STXBP5: variants seen among roughly 807,000 people sequenced by gnomAD.
The protein encoded by STXBP5 is syntaxin binding protein 5, also known as syntaxin-binding protein 5.
Under a neutral mutation model 152.4 loss-of-function variants are expected in STXBP5, and 50 were observed. That is an observed-to-expected ratio of 0.33 (90% confidence interval 0.26 to 0.42). The LOEUF (loss-of-function observed/expected upper bound fraction) is 0.42. STXBP5 is among the 10% of genes least tolerant of loss of function. STXBP5 has a pLI of 1.00. For synonymous variants in STXBP5, 492 were observed against 494.7 expected (o/e 0.99, Z 0.07); for missense variants, 1,167 against 1,388.6 (o/e 0.84, Z 2.54).
At chr6:147,219,624 T>G (rs1777355166) in intron 2 of STXBP5, among the ~76,000 whole-genome samples, 1 of 152,136 alleles carries the variant, frequency 6.6e-6, no homozygotes, top group Admixed American at 6.5e-5. Context: ...ATTGTATTTT[T>G]TAAGGAGTTG....
chr6:147,368,697 C>G (rs1045976049), intron 25 of STXBP5, among the ~76,000 whole-genome samples: 46 of 152,054 alleles, frequency 3.0e-4, no homozygotes, highest in African/African-American at 7.7e-4. Flanking sequence ...TATAGGAAAT[C>G]TAATAAAATC....
intron 4 of STXBP5, among the ~76,000 whole-genome samples, chr6:147,241,850 A>G (rs1474086629): frequency 6.6e-6 from 1 of 152,230 alleles, no homozygotes; most frequent in African/African-American, 2.4e-5. Context: ...CAGTTGTCTA[A>G]AAGTATAGCA....
Position 147,313,907 on chromosome 6 carries a change from A to G in STXBP5, c.1169A>G (p.Tyr390Cys), listed in dbSNP as rs1490062591. ...QNGYPIFENP[Y>C]PLSIHESPVT... ...AGATATCCTATATTTGAAAATCCCT[A>G]CCCTTTGAGTATACATGAGTCCCCT... is the stretch of plus-strand genomic sequence containing the variant. Residue 390 changes from tyrosine to cysteine, a missense_variant, in exon 12 of 28, where the codon TAC becomes TGC. Tyr to Cys is a radical substitution (Grantham distance 194, BLOSUM62 -2). Transcript: ENST00000321680. 3 of 1,566,006 alleles carry G rather than the reference A, an allele frequency of 1.9e-6. No homozygotes were observed. The highest frequency in any genetic ancestry group is 2.6e-6 in the Non-Finnish European group (3 of 1,147,966).
intron 12 of STXBP5, 29 bp from the exon 13 acceptor site, chr6:147,314,235 T>C (rs1233604058): frequency 1.3e-6 from 2 of 1,574,462 alleles, no homozygotes; most frequent in East Asian, 4.5e-5. Flanking sequence ...TGCTTGCAAG[T>C]TGCTTTATAC....
rs147585794 is a variant in STXBP5 at position 147,359,269 on chromosome 6, C to T, written c.2491C>T (p.Leu831Phe). ...LGTVLVIALN[L>F]PPGGEQRLLQ... is the part of the protein sequence containing the mutation. Reference sequence around the variant, plus strand: ...AACAGTGCTTGTCATTGCACTGAACCTTCCCCCAGGGGGAGAGCAAAGACT... The same window carrying T: ...AACAGTGCTTGTCATTGCACTGAACTTTCCCCCAGGGGGAGAGCAAAGACT... Residue 831 changes from leucine (L) to phenylalanine (F), a missense_variant, in exon 23 of 28, where the codon CTT (leucine) becomes TTT (phenylalanine). Physicochemically the swap from Leu to Phe is conservative, Grantham distance 22 (BLOSUM62 0). Transcript: ENST00000321680. 25 of 1,613,902 alleles carry T rather than the reference C, an allele frequency of 1.5e-5. No individual in the cohort carries two copies. The African/African-American group carries it at 2.0e-4, about 13-fold the overall frequency.
At chr6:147,227,668 A>G (rs886762111) in intron 2 of STXBP5, among the ~76,000 whole-genome samples, 1 of 152,166 alleles carries the variant, frequency 6.6e-6, no homozygotes, top group Admixed American at 6.6e-5. Context: ...TAAATGAGAA[A>G]GTTAACCCAT....
At chr6:147,207,797 T>C (rs1281669575) in intron 2 of STXBP5, among the ~76,000 whole-genome samples, 2 of 152,220 alleles carry the variant, frequency 1.3e-5, no homozygotes, top group Non-Finnish European at 2.9e-5. Flanking sequence ...TTTATTGTTT[T>C]CCCAGTGTGG....
At chr6:147,344,981 T>G (rs948999604) in intron 21 of STXBP5, among the ~76,000 whole-genome samples, 1 of 152,216 alleles carries the variant, frequency 6.6e-6, no homozygotes, top group African/African-American at 2.4e-5. Context: ...GAACTTGGTA[T>G]AGTCAAGTGT....
chr6:147,237,787 G>T (rs1582824781), intron 3 of STXBP5, among the ~76,000 whole-genome samples: 1 of 152,144 alleles, frequency 6.6e-6, no homozygotes, highest in African/African-American at 2.4e-5. Context: ...CTTCTGAGTA[G>T]ATGAGAAACT....
At chr6:147,231,734 C>A (rs189643612) in intron 2 of STXBP5, among the ~76,000 whole-genome samples, 2 of 151,620 alleles carry the variant, frequency 1.3e-5, no homozygotes, top group Non-Finnish European at 3.0e-5. Flanking sequence ...TAGTTTCAGA[C>A]GTTTAATTTT....
intron 9 of STXBP5, chr6:147,292,935 TACAGTCATCC>T (rs1333780967): frequency 6.6e-6 from 1 of 152,248 alleles, no homozygotes; most frequent in Non-Finnish European, 1.5e-5. Flanking sequence ...CATTTGTAAA[TACAGTCATCC>T]ACTACCTAAT....
chr6:147,227,934 C>G (rs1208805180), intron 2 of STXBP5, among the ~76,000 whole-genome samples: 3 of 152,130 alleles, frequency 2.0e-5, no homozygotes, highest in African/African-American at 7.2e-5. Context: ...GCTGTCATCT[C>G]ATGCTTAAAT....
chr6:147,321,883 A>G (rs1034953619), intron 16 of STXBP5, among the ~76,000 whole-genome samples: 6 of 152,222 alleles, frequency 3.9e-5, no homozygotes, highest in African/African-American at 1.4e-4. Flanking sequence ...TTTAAAATGT[A>G]ACTTACCTGC....
rs141469148 is a variant in STXBP5, at chr6:147,289,832, T to A, written c.839-1262T>A. On this transcript the variant is annotated intron_variant, in intron 8 of 27. Transcript: ENST00000321680. ...GGCACAACCTATCTAGAATAAAACTTTACCCAGATATACTATATGCCAAAC... is the reference window on the plus strand; with the variant it reads ...GGCACAACCTATCTAGAATAAAACTATACCCAGATATACTATATGCCAAAC... Among the ~76,000 whole-genome samples, 1,236 of 152,186 alleles carry A rather than the reference T, an allele frequency of 8.1e-3. 18 individuals are homozygous for A. Among genetic ancestry groups the A allele is most frequent in the African/African-American group, 0.029 (1,186 of 41,510 alleles).
intron 27 of STXBP5, among the ~76,000 whole-genome samples, chr6:147,383,602 TA>T (rs1015958957): frequency 6.6e-6 from 1 of 152,008 alleles, no homozygotes; most frequent in African/African-American, 2.4e-5. Context: ...TTACGGGAAA[TA>T]ACACATTTTT....
At chr6:147,377,926 A>G (rs1411319907) in intron 26 of STXBP5, among the ~76,000 whole-genome samples, 1 of 152,164 alleles carries the variant, frequency 6.6e-6, no homozygotes, top group African/African-American at 2.4e-5. Context: ...TAGGAATGGA[A>G]AAAAAAGGAA....
chr6:147,256,774 G>A (rs1052168258), intron 4 of STXBP5, among the ~76,000 whole-genome samples: 1 of 152,062 alleles, frequency 6.6e-6, no homozygotes, highest in African/African-American at 2.4e-5. Context: ...ATTTTGTATG[G>A]TTTTCTTGCT....
intron 18 of STXBP5, among the ~76,000 whole-genome samples, chr6:147,332,394 G>T (rs1783619962): frequency 6.6e-6 from 1 of 152,210 alleles, no homozygotes; most frequent in South Asian, 2.1e-4. Flanking sequence ...CAATGATGGA[G>T]TGTTAAATTT....
chr6:147,257,306 T>G (rs760594221), intron 4 of STXBP5, among the ~76,000 whole-genome samples: 4 of 151,792 alleles, frequency 2.6e-5, no homozygotes, highest in Non-Finnish European at 5.9e-5. Flanking sequence ...GTTCAGCTTA[T>G]CCATTTTAAG....
Sources: allele counts gnomAD v4.1 joint callset (sites outside exome capture counted in the v4.1 genomes callset), GRCh38; gene constraint gnomAD v4.1.1; transcripts MANE v1.5; gene names NCBI Gene and HGNC (gene_info 2026-07-23, HGNC 2026-07-21).